The following POSTN variants were observed in gnomAD, a reference collection of about 807,000 sequenced individuals.
The protein encoded by POSTN is periostin.
In POSTN, 71 loss-of-function variants were observed where a neutral mutation model predicts 104.5. That is an observed-to-expected ratio of 0.68 (90% CI 0.56 to 0.83). The LOEUF (loss-of-function observed/expected upper bound fraction) is 0.83, where lower values mean the gene tolerates loss of function less well. Ranked by LOEUF, POSTN falls within the 40% of genes least tolerant of loss-of-function variation. The probability of loss-of-function intolerance (pLI) is 0.00; values close to 1 mark genes in which losing one functional copy is unlikely to be tolerated. For missense variants in POSTN, 949 were observed against 1,006.8 expected, an observed-to-expected ratio of 0.94 and a Z score of 0.78; for synonymous variants, 355 against 340.7, an observed-to-expected ratio of 1.04 and a Z score of -0.46.
At chr13:37,583,086 T>C (rs1950644103) in intron 9 of POSTN, among the ~76,000 whole-genome samples, 2 of 152,326 alleles carry the variant, frequency 1.3e-5, no homozygotes, top group East Asian at 3.9e-4. Flanking sequence ...TTTTAATTAA[T>C]AAATGTTGCC....
At chr13:37,596,693 T>C (rs1304008013) in intron 2 of POSTN, among the ~76,000 whole-genome samples, 1 of 152,188 alleles carries the variant, frequency 6.6e-6, no homozygotes, top group Non-Finnish European at 1.5e-5. Context: ...CTTTAAACTT[T>C]GATGAAAACT....
chr13:37,577,698 G>T, intron 16 of POSTN, 55 bp downstream of exon 16: 4 of 1,591,888 alleles, frequency 2.5e-6, no homozygotes, highest in Non-Finnish European at 2.6e-6. Context: ...GAAATGTATT[G>T]TTTTCTTTTT....
At chr13:37,593,204 T>C (rs1950994178) in intron 2 of POSTN, among the ~76,000 whole-genome samples, 2 of 150,636 alleles carry the variant, frequency 1.3e-5, no homozygotes, top group Non-Finnish European at 3.0e-5. Context: ...ATACAAAAAA[T>C]AAGTTTATCT....
At position 37,578,678 on chromosome 13, in the gene POSTN, A is replaced by G. The variant is rs144204256; in HGVS notation, c.1962+166T>C. 3.0e-3 allele frequency among the ~76,000 whole-genome samples: 459 copies of G among 151,576 alleles called. 3 individuals carry two copies. The East Asian group carries it at 0.031, about 10-fold the overall frequency. On this transcript the variant is annotated intron_variant, in intron 15 of 22. Coordinates refer to ENST00000379747, the MANE Select transcript of POSTN (RefSeq NM_006475.3). ...GCTGGGTGTGGTGGTGGGCGCCTGTAGTCCCAGCTACTCGGGAGGCTGAGG... is the reference window on the plus strand; with the variant it reads ...GCTGGGTGTGGTGGTGGGCGCCTGTGGTCCCAGCTACTCGGGAGGCTGAGG...
At chr13:37,567,524 G>A (rs191122227) in intron 21 of POSTN, among the ~76,000 whole-genome samples, 16 of 152,220 alleles carry the variant, frequency 1.1e-4, no homozygotes, top group African/African-American at 3.4e-4. Flanking sequence ...AATTAATGCT[G>A]GTACTAGTAA....
chr13:37,573,702 T>C (rs909009577), intron 17 of POSTN, among the ~76,000 whole-genome samples: 1 of 151,598 alleles, frequency 6.6e-6, no homozygotes, highest in Non-Finnish European at 1.5e-5. Context: ...AGCTTTCTTA[T>C]AGCACAAAGG....
At chr13:37,592,834 A>G (rs997565103) in intron 2 of POSTN, among the ~76,000 whole-genome samples, 26 of 152,194 alleles carry the variant, frequency 1.7e-4, no homozygotes, top group Non-Finnish European at 2.5e-4. Flanking sequence ...CTCAAATGAA[A>G]TAATGCTTTT....
chr13:37,580,225 C>T (rs775326450), intron 11 of POSTN, among the ~76,000 whole-genome samples: 5 of 152,036 alleles, frequency 3.3e-5, no homozygotes, highest in Non-Finnish European at 7.4e-5. Flanking sequence ...TAAAACTTGA[C>T]AAGGTCACAC....
intron 9 of POSTN, 29 bp downstream of exon 9, chr13:37,583,940 G>C (rs1566025466): frequency 6.3e-7 from 1 of 1,592,128 alleles, no homozygotes; most frequent in Non-Finnish European, 8.6e-7. Flanking sequence ...TGTAGGCAGA[G>C]AGCAGGAACA....
intron 21 of POSTN, 21 bp downstream of exon 21, chr13:37,569,279 A>G (rs375182566): frequency 2.1e-4 from 333 of 1,562,748 alleles, no homozygotes; most frequent in Non-Finnish European, 2.8e-4. Flanking sequence ...TAAGGGGGTT[A>G]GTTGTTGTCC....
In POSTN at chr13:37,577,807, AAATGTTT is replaced by A. The variant is rs1418060643; in HGVS notation, c.1963-16_1963-10del. On this transcript the variant is annotated splice_polypyrimidine_tract_variant and intron_variant, in intron 15 of 22. Transcript: ENST00000379747. Reference sequence around the variant, plus strand: ...GTGCTACCACGAACAAACTGAAAATAAATGTTTATATTTAGTAACATGAAAGGTGATA... The same window carrying A: ...GTGCTACCACGAACAAACTGAAAATAATATTTAGTAACATGAAAGGTGATA... 5.0e-6 allele frequency: 8 copies of A among 1,613,430 alleles called. No individual in the cohort carries two copies. The highest frequency in any genetic ancestry group is 6.8e-6 in the Non-Finnish European group (8 of 1,179,668).
At chr13:37,592,458 C>T (rs191330196) in intron 2 of POSTN, among the ~76,000 whole-genome samples, 372 of 152,248 alleles carry the variant, frequency 2.4e-3, no homozygotes, top group Non-Finnish European at 3.8e-3. Flanking sequence ...ACCACCACGC[C>T]TGGCTAATTT....
chr13:37,585,475 T>C (rs551627759), intron 7 of POSTN, among the ~76,000 whole-genome samples: 1 of 152,278 alleles, frequency 6.6e-6, no homozygotes, highest in African/African-American at 2.4e-5. Flanking sequence ...ATATAACATG[T>C]AATGAGGTCG....
intron 10 of POSTN, among the ~76,000 whole-genome samples, chr13:37,581,262 G>A (rs548903998): frequency 1.3e-5 from 2 of 152,282 alleles, no homozygotes; most frequent in South Asian, 4.2e-4. Context: ...TTTTGTAGCT[G>A]CAGGGAGCTG....
At chr13:37,590,229 T>G in intron 4 of POSTN, 143 bp downstream of exon 4, 2 of 569,738 alleles carry the variant, frequency 3.5e-6, no homozygotes, top group South Asian at 3.6e-5. Flanking sequence ...TTACTTCCCT[T>G]AATAACTCAT....
intron 19 of POSTN, among the ~76,000 whole-genome samples, chr13:37,570,266 C>T (rs1227210117): frequency 2.0e-5 from 3 of 151,710 alleles, no homozygotes; most frequent in African/African-American, 7.2e-5. Context: ...AATGGCTTTT[C>T]TTCTAGGGTC....
chr13:37,576,256 A>G (rs1038873000), intron 16 of POSTN, among the ~76,000 whole-genome samples: 4 of 152,190 alleles, frequency 2.6e-5, no homozygotes, highest in Non-Finnish European at 4.4e-5. Flanking sequence ...CAAGTCAACA[A>G]CGAAATATAA....
intron 4 of POSTN, among the ~76,000 whole-genome samples, chr13:37,588,940 A>C (rs1445154979): frequency 6.6e-6 from 1 of 152,102 alleles, no homozygotes; most frequent in Non-Finnish European, 1.5e-5. Flanking sequence ...TATTAGGGGG[A>C]TCACTTTAGA....
intron 3 of POSTN, among the ~76,000 whole-genome samples, chr13:37,591,518 T>C (rs1167945904): frequency 1.3e-5 from 2 of 152,100 alleles, no homozygotes; most frequent in African/African-American, 4.8e-5. Flanking sequence ...GGGTTGGTGT[T>C]ATAATGGGGA....
Sources: gnomAD v4.1 joint callset for allele counts (sites outside exome capture counted in the v4.1 genomes callset) on GRCh38, gnomAD v4.1.1 for gene constraint, MANE v1.5 for transcripts, NCBI Gene and HGNC (gene_info 2026-07-23, HGNC 2026-07-21) for gene names.